TTC12: variants seen among roughly 807,000 people sequenced by gnomAD.
The protein encoded by TTC12 is tetratricopeptide repeat domain 12, also known as tetratricopeptide repeat protein 12.
A neutral mutation model predicts 90.1 loss-of-function variants in TTC12; 70 were observed. That is an observed-to-expected ratio of 0.78 (90% CI 0.64 to 0.95). The LOEUF (loss-of-function observed/expected upper bound fraction) is 0.95, where lower values mean the gene tolerates loss of function less well. TTC12 is among the 40% of genes least tolerant of loss of function. TTC12 has a pLI of 0.00. For missense variants in TTC12, 819 were observed against 846.1 expected (o/e 0.97, Z 0.40); for synonymous variants, 296 against 311.5 (o/e 0.95, Z 0.53).
chr11:113,363,691 G>A, intron 19 of TTC12, 137 bp from the exon 20 acceptor site: 1 of 626,772 alleles, frequency 1.6e-6, no homozygotes, highest in Non-Finnish European at 2.8e-6. Flanking sequence ...CCACCAGGAA[G>A]CACATGCCGT....
intron 5 of TTC12, 149 bp from the exon 6 acceptor site, chr11:113,325,375 G>T: frequency 1.2e-6 from 1 of 802,128 alleles, no homozygotes. Flanking sequence ...TGGTCCTGAA[G>T]TATCTGCAGA....
rs138949120 is a variant in TTC12 at position 113,343,713 on chromosome 11, G to T, written c.986-559G>T. On this transcript the variant is annotated intron_variant, in intron 12 of 21. Coordinates refer to ENST00000529221, the MANE Select transcript of TTC12 (RefSeq NM_017868.4). ...TCAAACAAATTCATGTACCTGGTCA[G>T]AAAATGAACCAGACTGCCACCACCC... Among the ~76,000 whole-genome samples the T allele has an allele frequency of 1.1e-3, 175 of 152,270 alleles. 3 individuals are homozygous for T. In the South Asian group the frequency reaches 0.027, roughly 24 times the overall value.
chr11:113,343,782 T>C (rs1222791384), intron 12 of TTC12, among the ~76,000 whole-genome samples: 1 of 152,216 alleles, frequency 6.6e-6, no homozygotes, highest in Non-Finnish European at 1.5e-5. Context: ...CTTTATTCGT[T>C]AGTGCTCTCA....
At chr11:113,369,477 A>G (rs1032036482), downstream of TTC12, among the ~76,000 whole-genome samples, 1 of 143,984 alleles carries the variant, frequency 6.9e-6, no homozygotes, top group Non-Finnish European at 1.5e-5. Flanking sequence ...TCAAAACTTG[A>G]AGATCCTGCC....
At position 113,338,737 on chromosome 11, in the gene TTC12, C is replaced by G. The variant is rs1555144860; in HGVS notation, c.577-37C>G. ...GTGTCTTTCTCATAATCACCTTTAC[C>G]CCAACCACTCTTCAAGGTCTTGTTT... On this transcript the variant is annotated intron_variant, in intron 8 of 21. Transcript: ENST00000529221. The G allele has an allele frequency of 2.6e-6, 4 of 1,560,930 alleles. No homozygotes were observed. The Admixed American group carries it at 5.0e-5, about 20-fold the overall frequency.
chr11:113,359,188 C>T (rs1261528021), intron 16 of TTC12, among the ~76,000 whole-genome samples, 175 bp from the exon 17 acceptor site: 2 of 151,648 alleles, frequency 1.3e-5, no homozygotes, highest in Non-Finnish European at 2.9e-5. Flanking sequence ...TTCCAAGTCT[C>T]CTGGACCAAC....
intron 11 of TTC12, among the ~76,000 whole-genome samples, chr11:113,341,465 G>GGCCC (rs1948678200): frequency 6.6e-6 from 1 of 152,214 alleles, no homozygotes; most frequent in African/African-American, 2.4e-5. Context: ...GTAGGATGCA[G>GGCCC]TTTGCTAAAG....
chr11:113,373,159 G>A, exon 22 of TTC12: 2 of 984,726 alleles, frequency 2.0e-6, no homozygotes, highest in Non-Finnish European at 2.4e-6. Flanking sequence ...TTAAGCAACT[G>A]GTCCAAGATC....
Position 113,329,997 on chromosome 11 carries a change from T to C in TTC12, c.504+18T>C. ...CTCTCAAGGTAAGAGGGTATTTCTT[T>C]TCCCACATGATAGTGTTGGGCTGAA... is the stretch of plus-strand genomic sequence containing the variant. On this transcript the variant is annotated intron_variant, in intron 7 of 21. Transcript: ENST00000529221. 1 of 1,601,156 alleles carries C rather than the reference T, an allele frequency of 6.2e-7. No homozygotes were observed.
intron 12 of TTC12, 82 bp from the exon 13 acceptor site, chr11:113,344,190 T>A (rs1948823220): frequency 1.4e-6 from 2 of 1,444,342 alleles, no homozygotes; most frequent in Non-Finnish European, 1.9e-6. Context: ...CCAGTTGAGT[T>A]TCCCATTAGG....
intron 15 of TTC12, 88 bp from the exon 16 acceptor site, chr11:113,351,982 C>A: frequency 6.7e-7 from 1 of 1,489,600 alleles, no homozygotes; most frequent in Non-Finnish European, 9.0e-7. Flanking sequence ...GTTCGTGGGC[C>A]TTTTGGTGAG....
rs1555149632 is a variant in TTC12 at position 113,350,184 on chromosome 11, G to T, written c.1247+19G>T. 6.5e-7 allele frequency: 1 copy of T among 1,543,974 alleles called. No individual in the cohort carries two copies. The highest frequency in any genetic ancestry group is 2.2e-5 in the East Asian group (1 of 44,530). ...AAGAAAGGTAATTTTTTTATTTATA[G>T]AAATTGACATTTCTTCTTCAGTCTT... On this transcript the variant is annotated intron_variant, in intron 14 of 21. Transcript: ENST00000529221.
intron 12 of TTC12, among the ~76,000 whole-genome samples, chr11:113,344,026 T>G (rs1313136745): frequency 6.6e-6 from 1 of 152,166 alleles, no homozygotes; most frequent in Non-Finnish European, 1.5e-5. Context: ...GATGTCCCTG[T>G]AGGTAGGAAC....
intron 12 of TTC12, 127 bp from the exon 13 acceptor site, chr11:113,344,145 T>TAA: frequency 9.0e-7 from 1 of 1,115,616 alleles, no homozygotes; most frequent in Admixed American, 2.2e-5. Context: ...TCCACACTCT[T>TAA]ACACTTCATT....
chr11:113,328,960 C>G (rs1555141859), intron 6 of TTC12, among the ~76,000 whole-genome samples: 1 of 152,128 alleles, frequency 6.6e-6, no homozygotes, highest in Non-Finnish European at 1.5e-5. Flanking sequence ...TGTATCAACT[C>G]CTCTTCATTT....
At chr11:113,363,778 G>T in intron 19 of TTC12, 50 bp from the exon 20 acceptor site, 1 of 1,310,832 alleles carries the variant, frequency 7.6e-7, no homozygotes, top group South Asian at 1.2e-5. Flanking sequence ...TTGTGGTCAA[G>T]AGCAATCATA....
chr11:113,344,579 T>C, intron 13 of TTC12, 139 bp downstream of exon 13: 1 of 892,680 alleles, frequency 1.1e-6, no homozygotes, highest in Non-Finnish European at 1.7e-6. Context: ...AAGAGTGCTC[T>C]GTCATGAGGA....
intron 8 of TTC12, among the ~76,000 whole-genome samples, chr11:113,335,602 C>T (rs1948324153): frequency 6.6e-6 from 1 of 152,156 alleles, no homozygotes; most frequent in South Asian, 2.1e-4. Context: ...AACCCCATCT[C>T]AACGTTAGGC....
chr11:113,323,912 T>C, intron 3 of TTC12, 82 bp from the exon 4 acceptor site: 2 of 1,084,662 alleles, frequency 1.8e-6, no homozygotes, highest in Non-Finnish European at 2.7e-6. Flanking sequence ...GTAATTGATT[T>C]GCCTTCTTGG....
Sources: allele counts gnomAD v4.1 joint callset (sites outside exome capture counted in the v4.1 genomes callset), GRCh38; gene constraint gnomAD v4.1.1; transcripts MANE v1.5; gene names NCBI Gene and HGNC (gene_info 2026-07-23, HGNC 2026-07-21).